The following VWF variants were observed in gnomAD, a reference collection of about 807,000 sequenced individuals.
VWF encodes the protein von Willebrand factor.
Under a neutral mutation model 308.6 loss-of-function variants are expected in VWF, and 176 were observed. That is an observed-to-expected ratio of 0.57 (90% CI 0.50 to 0.65). The LOEUF (loss-of-function observed/expected upper bound fraction) is 0.65. VWF is among the 30% of genes least tolerant of loss of function. VWF has a pLI of 0.00. For missense variants in VWF, 3,146 were observed against 3,648.2 expected (o/e 0.86, Z 3.55); for synonymous variants, 1,385 against 1,443.4 (o/e 0.96, Z 0.92).
In VWF at chr12:6,019,650, A is replaced by G. The variant is rs1216637550; in HGVS notation, c.3768T>C (p.Thr1256=). ...GTTCCGAGATGTCCTCCACATACAG[A>G]GTGGTGGGGCTCACCGGGGCATCTG... is the stretch of plus-strand genomic sequence containing the variant. The part of the protein sequence containing the change: ...PPTDAPVSPT[T]LYVEDISEPP... The change falls in exon 28 of 52, where the codon ACT becomes ACC. Residue 1256 remains threonine (T), a synonymous_variant. Coordinates refer to ENST00000261405, the MANE Select transcript of VWF (RefSeq NM_000552.5). This position sits in a 1 kb window ranked among gnomAD's most constrained non-coding sequence, Gnocchi z 5.8. The G allele has an allele frequency of 2.5e-6, 4 of 1,613,744 alleles. No homozygotes were observed. The East Asian group carries it at 6.7e-5, about 27-fold the overall frequency.
At chr12:6,054,293 G>C (rs1171217135) in intron 15 of VWF, among the ~76,000 whole-genome samples, 1 of 152,186 alleles carries the variant, frequency 6.6e-6, no homozygotes, top group Non-Finnish European at 1.5e-5. Flanking sequence ...ATTTTTCTCT[G>C]CAAGAATGGA....
At chr12:5,972,845 C>A (rs576957048) in intron 43 of VWF, among the ~76,000 whole-genome samples, 8 of 152,104 alleles carry the variant, frequency 5.3e-5, no homozygotes, top group Admixed American at 5.2e-4. Context: ...ATTCAAAATG[C>A]CATTAAAGAA....
At chr12:6,116,154 C>G (rs1167274199) in intron 3 of VWF, among the ~76,000 whole-genome samples, 1 of 152,184 alleles carries the variant, frequency 6.6e-6, no homozygotes, top group Non-Finnish European at 1.5e-5. Context: ...CTGCACTCCA[C>G]AGACCTCCAG....
chr12:6,107,963 A>G (rs1184264163), intron 5 of VWF, among the ~76,000 whole-genome samples: 1 of 151,948 alleles, frequency 6.6e-6, no homozygotes, highest in African/African-American at 2.4e-5. Context: ...CAGCCGAAAG[A>G]TTCAGTATTT....
intron 34 of VWF, among the ~76,000 whole-genome samples, chr12:6,007,779 A>G (rs1339166872): frequency 3.3e-5 from 5 of 152,170 alleles, no homozygotes; most frequent in Non-Finnish European, 7.4e-5. Context: ...TTTAAAGGTC[A>G]ACAAAATTAA....
At chr12:6,048,974 A>C (rs1185423809) in intron 16 of VWF, among the ~76,000 whole-genome samples, 1 of 152,142 alleles carries the variant, frequency 6.6e-6, no homozygotes, top group African/African-American at 2.4e-5. Context: ...CCAAAAGCTT[A>C]ATTTTCTAAA....
chr12:6,012,830 T>C (rs1234721434), intron 32 of VWF, among the ~76,000 whole-genome samples: 3 of 151,798 alleles, frequency 2.0e-5, no homozygotes, highest in African/African-American at 7.3e-5. Context: ...GCCTCCCAAG[T>C]AGCTGGTACT....
rs1217029616 is a variant in VWF, at chr12:6,052,095, T to C, written c.2186+448A>G. The stretch of plus-strand genomic sequence containing the variant: ...GAAGCAAGCATGATTTGGAGCTATT[T>C]TGGGGAAGTGCATGAAGCAGGTCAG... On this transcript the variant is annotated intron_variant, in intron 16 of 51. Coordinates refer to ENST00000261405, the MANE Select transcript of VWF (RefSeq NM_000552.5). Among the ~76,000 whole-genome samples the C allele has an allele frequency of 3.3e-5, 5 of 152,178 alleles. 1 individual carries two copies. Among genetic ancestry groups the C allele is most frequent in the Admixed American group, 3.3e-4 (5 of 15,284 alleles).
At chr12:6,120,443 T>C (rs771215111) in intron 3 of VWF, among the ~76,000 whole-genome samples, 3 of 151,986 alleles carry the variant, frequency 2.0e-5, no homozygotes, top group Non-Finnish European at 1.5e-5. Context: ...GCTGGGATTA[T>C]AGACACACAC....
rs1458005710 is a variant in VWF at position 6,020,445 on chromosome 12, T to C, written c.3675-702A>G. ...GCAGACATAGGGTGAGCACCTCTCA[T>C]GTGCCAGGTACTGGCCAGGCTCTGT... On this transcript the variant is annotated intron_variant, in intron 27 of 51. Transcript: ENST00000261405. The surrounding 1 kb of genome is among the most constrained non-coding windows in gnomAD (Gnocchi z 4.3). Among the ~76,000 whole-genome samples the C allele has an allele frequency of 6.6e-6, 1 of 152,246 alleles. No individual in the cohort carries two copies. Among genetic ancestry groups the C allele is most frequent in the Non-Finnish European group, 1.5e-5 (1 of 68,040 alleles).
chr12:5,973,505 C>G (rs911278125), intron 43 of VWF, among the ~76,000 whole-genome samples: 4 of 152,174 alleles, frequency 2.6e-5, no homozygotes, highest in African/African-American at 7.2e-5. Context: ...ATCTGAGGAG[C>G]ACAGTTTGAA....
At chr12:6,050,186 G>T (rs544822118) in intron 16 of VWF, among the ~76,000 whole-genome samples, 3 of 152,094 alleles carry the variant, frequency 2.0e-5, no homozygotes, top group Non-Finnish European at 2.9e-5. Context: ...CTGTTCTTGC[G>T]TCACTGTCCT....
At chr12:6,000,404 C>G (rs1706373374) in intron 34 of VWF, among the ~76,000 whole-genome samples, 1 of 152,182 alleles carries the variant, frequency 6.6e-6, no homozygotes, top group Admixed American at 6.5e-5. Context: ...AAATGTGAAT[C>G]AAGAATTCTG....
intron 47 of VWF, among the ~76,000 whole-genome samples, chr12:5,957,183 C>T (rs761700610): frequency 6.6e-6 from 1 of 152,174 alleles, no homozygotes; most frequent in Non-Finnish European, 1.5e-5. Flanking sequence ...ACCACATAAC[C>T]TAGTTGTATA....
chr12:5,975,698 T>C (rs216854), intron 43 of VWF, among the ~76,000 whole-genome samples: 97,978 of 152,020 alleles, frequency 0.64, 31,740 homozygotes, highest in Admixed American at 0.7. Flanking sequence ...AACTTCAAGT[T>C]CTCTTTTCTA....
intron 34 of VWF, among the ~76,000 whole-genome samples, chr12:5,998,295 G>A (rs765758467): frequency 6.0e-5 from 9 of 150,626 alleles, no homozygotes; most frequent in African/African-American, 2.2e-4. Context: ...TCAGGAGATC[G>A]AGACCATCCT....
chr12:5,955,612 T>C (rs1943239756), intron 47 of VWF, among the ~76,000 whole-genome samples: 1 of 152,080 alleles, frequency 6.6e-6, no homozygotes, highest in South Asian at 2.1e-4. Context: ...TAATCCAGTC[T>C]ATCATTGTTG....
intron 18 of VWF, among the ~76,000 whole-genome samples, chr12:6,038,649 CCTT>C (rs1944364184): frequency 6.6e-6 from 1 of 152,362 alleles, no homozygotes; most frequent in African/African-American, 2.4e-5. Context: ...ACCTCCTCCT[CCTT>C]CTGAGCACCC....
At chr12:5,950,037 C>A (rs1943165749) in intron 50 of VWF, among the ~76,000 whole-genome samples, 154 bp from the exon 51 acceptor site, 1 of 152,158 alleles carries the variant, frequency 6.6e-6, no homozygotes. Context: ...TCCTGGTTCA[C>A]CTCAGCTGTT....
Sources: gnomAD v4.1 joint callset for allele counts (sites outside exome capture counted in the v4.1 genomes callset) on GRCh38, gnomAD v4.1.1 for gene constraint, Gnocchi (gnomAD v3.1) non-coding constraint, MANE v1.5 for transcripts, NCBI Gene and HGNC (gene_info 2026-07-23, HGNC 2026-07-21) for gene names.